The following RAPGEF6 variants were observed in gnomAD, a reference collection of about 807,000 sequenced individuals.
RAPGEF6 encodes the protein PDZ domain containing guanine nucleotide exchange factor (GEF) 2.
In RAPGEF6, 56 loss-of-function variants were observed where a neutral mutation model predicts 171.4. That is an observed-to-expected ratio of 0.33 (90% CI 0.26 to 0.41). The LOEUF is 0.41. Among genes scored for constraint, RAPGEF6 ranks in the 10% least tolerant of loss-of-function variants. The pLI, the probability that RAPGEF6 is intolerant of heterozygous loss-of-function variation, is 1.00. For missense variants in RAPGEF6, 1,674 were observed against 1,921.4 expected (o/e 0.87, Z 2.41); for synonymous variants, 692 against 650.1 (o/e 1.06, Z -0.98).
intron 1 of RAPGEF6, among the ~76,000 whole-genome samples, chr5:131,610,677 G>C (rs1214547334): frequency 6.6e-6 from 1 of 152,114 alleles, no homozygotes; most frequent in African/African-American, 2.4e-5. Context: ...CATAGTGGAG[G>C]AGAGAGGATA....
chr5:131,454,188 T>A (rs1299779396), intron 20 of RAPGEF6, among the ~76,000 whole-genome samples: 1 of 152,212 alleles, frequency 6.6e-6, no homozygotes, highest in Non-Finnish European at 1.5e-5. Context: ...TGAAGAGCTA[T>A]ATCCTGAGAC....
At chr5:131,436,530 T>G (rs553353877) in intron 24 of RAPGEF6, 1 of 723,234 alleles carries the variant, frequency 1.4e-6, no homozygotes, top group South Asian at 2.0e-5. Context: ...GAAAAAAATC[T>G]ACTTATATAT....
At chr5:131,584,649 C>T (rs1763143275) in intron 4 of RAPGEF6, among the ~76,000 whole-genome samples, 1 of 152,142 alleles carries the variant, frequency 6.6e-6, no homozygotes, top group African/African-American at 2.4e-5. Flanking sequence ...TGAGATTGGC[C>T]TATTGAGATG....
intron 6 of RAPGEF6, among the ~76,000 whole-genome samples, chr5:131,522,983 T>G (rs138308111): frequency 6.6e-6 from 1 of 152,176 alleles, no homozygotes; most frequent in Non-Finnish European, 1.5e-5. Flanking sequence ...ACACAAATCC[T>G]CACTATAGGA....
Position 131,453,046 on chromosome 5 carries a change from T to C in RAPGEF6, c.3200+8A>G, listed in dbSNP as rs769300626. The C allele has an allele frequency of 1.1e-5, 17 of 1,606,342 alleles. No homozygotes were observed. In the Admixed American group the frequency reaches 1.9e-4, roughly 18 times the overall value. The stretch of plus-strand genomic sequence containing the variant: ...ACTCTAACACTTTTACATATTTCAA[T>C]GTCCTACCTCTGTCGAAACATCATA... On this transcript the variant is annotated splice_region_variant and intron_variant, in intron 21 of 27. Transcript: ENST00000509018.
intron 5 of RAPGEF6, among the ~76,000 whole-genome samples, chr5:131,557,622 G>T (rs950319567): frequency 1.3e-5 from 2 of 152,060 alleles, no homozygotes; most frequent in African/African-American, 4.8e-5. Context: ...CCAAATGTTG[G>T]GAGAAAGTTT....
intron 2 of RAPGEF6, 72 bp downstream of exon 2, chr5:131,604,551 T>C: frequency 1.3e-6 from 2 of 1,525,592 alleles, no homozygotes; most frequent in Admixed American, 1.8e-5. Flanking sequence ...TAAAGGTGCT[T>C]AACAAATATT....
intron 1 of RAPGEF6, among the ~76,000 whole-genome samples, chr5:131,620,598 CT>C (rs570553178): frequency 1.4e-5 from 2 of 145,156 alleles, no homozygotes; most frequent in East Asian, 2.0e-4. Context: ...TTTTTCTTTT[CT>C]TTTTTTTTTG....
At chr5:131,442,850 C>T (rs951566184) in intron 22 of RAPGEF6, among the ~76,000 whole-genome samples, 32 of 152,048 alleles carry the variant, frequency 2.1e-4, no homozygotes, top group African/African-American at 6.5e-4. Context: ...TGCAATGGTG[C>T]AATCTTGGCT....
At chr5:131,497,490 A>G (rs1756713494) in intron 12 of RAPGEF6, among the ~76,000 whole-genome samples, 1 of 152,166 alleles carries the variant, frequency 6.6e-6, no homozygotes. Context: ...TTATAGTTTT[A>G]GCTCTTCTGT....
intron 6 of RAPGEF6, among the ~76,000 whole-genome samples, chr5:131,525,751 CA>C (rs1338128523): frequency 2.0e-5 from 3 of 151,932 alleles, no homozygotes; most frequent in Non-Finnish European, 4.4e-5. Flanking sequence ...GTTGGGGTGT[CA>C]GGGGTAGGAG....
chr5:131,433,732 A>G (rs1751853856), intron 24 of RAPGEF6, 74 bp from the exon 25 acceptor site: 2 of 691,764 alleles, frequency 2.9e-6, no homozygotes, highest in Non-Finnish European at 4.2e-6. Context: ...GGAAAGGATG[A>G]AAAAAAAAAA....
intron 21 of RAPGEF6, among the ~76,000 whole-genome samples, chr5:131,451,244 T>C (rs1753044963): frequency 1.3e-5 from 2 of 152,138 alleles, no homozygotes; most frequent in South Asian, 2.1e-4. Flanking sequence ...CCATGCTTTG[T>C]GGATCTCTAA....
chr5:131,495,313 CAATA>C (rs71000991), intron 13 of RAPGEF6, among the ~76,000 whole-genome samples: 6 of 147,668 alleles, frequency 4.1e-5, no homozygotes, highest in Non-Finnish European at 6.0e-5. Context: ...CAAATAAATA[CAATA>C]AATAAATAAA....
chr5:131,453,304 T>C, intron 20 of RAPGEF6, 127 bp from the exon 21 acceptor site: 1 of 1,418,238 alleles, frequency 7.1e-7, no homozygotes. Context: ...ATTTTGCTTT[T>C]AAGAACTGGT....
chr5:131,572,234 TGAG>T (rs1762346774), intron 4 of RAPGEF6, among the ~76,000 whole-genome samples: 1 of 152,054 alleles, frequency 6.6e-6, no homozygotes, highest in East Asian at 1.9e-4. Flanking sequence ...GCTCCCTCCG[TGAG>T]GAGATCCACC....
chr5:131,435,761 CAA>C, intron 24 of RAPGEF6: 4 of 1,167,954 alleles, frequency 3.4e-6, no homozygotes, highest in Non-Finnish European at 3.4e-6. Flanking sequence ...CTACAGAAAA[CAA>C]GAGTATAAAA....
At chr5:131,479,798 A>T (rs747594028) in intron 15 of RAPGEF6, 45 bp from the exon 16 acceptor site, 1 of 1,581,280 alleles carries the variant, frequency 6.3e-7, no homozygotes, top group Non-Finnish European at 8.6e-7. Context: ...TTCTCTTCAG[A>T]AAATTTTTAT....
rs201180189 is a variant in RAPGEF6 at position 131,504,608 on chromosome 5, A to C, written c.1254+18T>G. The C allele has an allele frequency of 7.1e-6, 11 of 1,550,952 alleles. No homozygotes were observed. The highest frequency in any genetic ancestry group is 8.7e-6 in the Non-Finnish European group (10 of 1,154,102). On this transcript the variant is annotated intron_variant, in intron 11 of 27. Transcript: ENST00000509018. ...TAGAATAAAATCAGTGACTAGAAAA[A>C]TAAGTAAAAACACCCACCTTGATCA...
Sources: allele counts gnomAD v4.1 joint callset (sites outside exome capture counted in the v4.1 genomes callset), GRCh38; gene constraint gnomAD v4.1.1; transcripts MANE v1.5; gene names NCBI Gene and HGNC (gene_info 2026-07-23, HGNC 2026-07-21).